RNF170: variants seen among roughly 807,000 people sequenced by gnomAD.
The protein encoded by RNF170 is E3 ubiquitin-protein ligase RNF170.
In RNF170, 12 loss-of-function variants were observed where a neutral mutation model predicts 32.7. The ratio of observed to expected loss-of-function variants is 0.37; its 90% CI spans 0.24 to 0.60. RNF170 has a LOEUF of 0.60. Ranked by LOEUF, RNF170 falls within the 20% of genes least tolerant of loss-of-function variation. RNF170 has a pLI of 0.72. For synonymous variants in RNF170, 91 were observed against 103.6 expected (o/e 0.88, Z 0.74); for missense variants, 212 against 311.2 (o/e 0.68, Z 2.40).
chr8:42,856,552 C>A, intron 6 of RNF170, 124 bp from the exon 7 acceptor site: 2 of 690,754 alleles, frequency 2.9e-6, no homozygotes, highest in Non-Finnish European at 4.8e-6. Flanking sequence ...ATTAATTGAA[C>A]ATATTTTCTA....
At chr8:42,864,027 C>A (rs112508358) in intron 5 of RNF170, among the ~76,000 whole-genome samples, 1 of 145,242 alleles carries the variant, frequency 6.9e-6, no homozygotes, top group East Asian at 2.0e-4. Flanking sequence ...ATTCCACCCA[C>A]GGGTAAGTGG....
In RNF170 at chr8:42,854,585, T is replaced by A. The variant is rs1019378457; in HGVS notation, c.*1574A>T. On this transcript the variant is annotated 3_prime_UTR_variant, in exon 7 of 7. Transcript: ENST00000527424. ...CCTAGGTCCAAATTAGAAAAACACA[T>A]ATTGATATTTCATTCAGAATCTCAT... 2.3e-6 allele frequency: 3 copies of A among 1,287,052 alleles called. No homozygotes were observed. In the African/African-American group the frequency reaches 4.6e-5, roughly 20 times the overall value. The allele number at this position is 1,287,052 out of a possible 1,614,324, so 79.7% of individuals were successfully genotyped here.
chr8:42,854,680 T>C lies in RNF170; in HGVS notation c.*1479A>G. On this transcript the variant is annotated 3_prime_UTR_variant, in exon 7 of 7. Coordinates refer to ENST00000527424, the MANE Select transcript of RNF170 (RefSeq NM_030954.4). Reference sequence around the variant, plus strand: ...TTCTCCTTATCTCCCAGTCTGCATATAGTGAAGCTCACTAATAAATTAATG... The same window carrying C: ...TTCTCCTTATCTCCCAGTCTGCATACAGTGAAGCTCACTAATAAATTAATG... 1 of 1,287,302 alleles carries C rather than the reference T, an allele frequency of 7.8e-7. No individual in the cohort carries two copies. The highest frequency in any genetic ancestry group is 1.0e-6 in the Non-Finnish European group (1 of 988,682). 79.7% of individuals were successfully genotyped at this position (1,287,302 alleles called of 1,614,324 possible). A position where few individuals can be genotyped will look rare whatever the true frequency, so the allele number is the denominator to read the frequency against.
At chr8:42,871,456 C>T (rs1320494208) in intron 3 of RNF170, among the ~76,000 whole-genome samples, 1 of 151,938 alleles carries the variant, frequency 6.6e-6, no homozygotes, top group East Asian at 1.9e-4. Context: ...TTCATACTTC[C>T]AAAACAGTCC....
At chr8:42,853,230 T>C (rs1802992887), downstream of RNF170, 2 of 649,946 alleles carry the variant, frequency 3.1e-6, no homozygotes, top group South Asian at 2.2e-5. Flanking sequence ...GCAACCATTA[T>C]ACTGAATGCT....
chr8:42,890,492 T>C (rs1806212152), intron 1 of RNF170, among the ~76,000 whole-genome samples: 1 of 151,980 alleles, frequency 6.6e-6, no homozygotes, highest in Admixed American at 6.6e-5. Flanking sequence ...TTAGCCAGGA[T>C]GGTCTTGATC....
downstream of RNF170, among the ~76,000 whole-genome samples, chr8:42,851,185 C>T (rs1208868393): frequency 2.6e-5 from 4 of 152,048 alleles, no homozygotes; most frequent in East Asian, 1.9e-4. Flanking sequence ...CCTTGGACTG[C>T]GGTGGTGGCA....
intron 4 of RNF170, among the ~76,000 whole-genome samples, chr8:42,868,303 A>T (rs971930972): frequency 6.6e-6 from 1 of 152,198 alleles, no homozygotes; most frequent in Non-Finnish European, 1.5e-5. Flanking sequence ...TATACTATGA[A>T]GTTAGACAAA....
rs759582622 is a variant in RNF170, at chr8:42,861,887, C to A, written c.397-32G>T. 5.1e-6 allele frequency: 8 copies of A among 1,563,528 alleles called. No homozygotes were observed. In the South Asian group the frequency reaches 8.2e-5, roughly 16 times the overall value. On this transcript the variant is annotated intron_variant, in intron 5 of 6. Transcript: ENST00000527424. ...ATTACAGAAAAAAAAATTATTTCAA[C>A]TTTCTGCATCATTATGTTTTTTTCA...
intron 1 of RNF170, among the ~76,000 whole-genome samples, chr8:42,888,620 G>A (rs757968933): frequency 3.3e-5 from 5 of 151,622 alleles, no homozygotes; most frequent in African/African-American, 4.8e-5. Flanking sequence ...AAATTTAGCC[G>A]GGTGACGTGT....
rs759517049 is a variant in RNF170 at position 42,896,478 on chromosome 8, A to G, written c.-8+6T>C. On this transcript the variant is annotated splice_donor_region_variant and intron_variant, in intron 1 of 6. Coordinates refer to ENST00000527424, the MANE Select transcript of RNF170 (RefSeq NM_030954.4). The stretch of plus-strand genomic sequence containing the variant: ...GGTGGGCGTGGCCGCCGCGCGCCGG[A>G]CGTACCTCTCCACCGCGAAGGAACT... The G allele has an allele frequency of 6.6e-6, 3 of 453,696 alleles. No individual in the cohort carries two copies. The highest frequency in any genetic ancestry group is 4.7e-5 in the Admixed American group (2 of 42,544). 28.1% of individuals were successfully genotyped at this position (453,696 alleles called of 1,614,324 possible).
intron 2 of RNF170, among the ~76,000 whole-genome samples, chr8:42,875,478 A>G (rs1343751797): frequency 6.6e-6 from 1 of 152,218 alleles, no homozygotes; most frequent in African/African-American, 2.4e-5. Context: ...TAGAAAAAGA[A>G]GTCACCTAAA....
At chr8:42,883,025 T>C (rs1230668183) in intron 2 of RNF170, among the ~76,000 whole-genome samples, 1 of 151,596 alleles carries the variant, frequency 6.6e-6, no homozygotes, top group Non-Finnish European at 1.5e-5. Context: ...ATGGTGCCAC[T>C]GCACTCCAGC....
At chr8:42,850,796 C>T (rs1802920419), downstream of RNF170, 13 of 1,551,482 alleles carry the variant, frequency 8.4e-6, no homozygotes, top group East Asian at 2.9e-4. Flanking sequence ...AACATTTAAC[C>T]TGAGAACCAA....
intron 2 of RNF170, among the ~76,000 whole-genome samples, chr8:42,875,691 C>T (rs938334891): frequency 6.6e-6 from 1 of 152,156 alleles, no homozygotes; most frequent in Non-Finnish European, 1.5e-5. Context: ...ATCCTCTTGC[C>T]TCAGCCTCCT....
chr8:42,896,244 C>T (rs752464104), intron 1 of RNF170: 189 of 325,094 alleles, frequency 5.8e-4, no homozygotes, highest in African/African-American at 4.1e-3. Context: ...CTCGCCGCCG[C>T]CAAACCCACC....
Position 42,873,334 on chromosome 8 carries a change from T to G in RNF170, c.213+597A>C, listed in dbSNP as rs146289801. Reference sequence around the variant, plus strand: ...CGCTTATTGGAACTGAAGTTTGATCTATAGGAAAGGAATTTTTAATTTTGT... The same window carrying G: ...CGCTTATTGGAACTGAAGTTTGATCGATAGGAAAGGAATTTTTAATTTTGT... On this transcript the variant is annotated intron_variant, in intron 3 of 6. Coordinates refer to ENST00000527424, the MANE Select transcript of RNF170 (RefSeq NM_030954.4). Among the ~76,000 whole-genome samples, 219 of 152,162 alleles carry G rather than the reference T, an allele frequency of 1.4e-3. 12 individuals carry two copies. In the East Asian group the frequency reaches 0.038, roughly 27 times the overall value.
rs866974600 is a variant in RNF170 at position 42,855,213 on chromosome 8, G to C, written c.*946C>G. ...GTGAACATCAAGTGTGCTGACTGGA[G>C]ATAAATGTTTTTCATCTTTTTTTTT... On this transcript the variant is annotated 3_prime_UTR_variant, in exon 7 of 7. Coordinates refer to ENST00000527424, the MANE Select transcript of RNF170 (RefSeq NM_030954.4). The C allele has an allele frequency of 1.3e-5, 15 of 1,194,992 alleles. No individual in the cohort carries two copies. In the Admixed American group the frequency reaches 2.8e-4, roughly 22 times the overall value. 74.0% of individuals were successfully genotyped at this position (1,194,992 alleles called of 1,614,324 possible). A position where few individuals can be genotyped will look rare whatever the true frequency, so the allele number is the denominator to read the frequency against.
chr8:42,871,628 G>A (rs1804530523), intron 3 of RNF170, among the ~76,000 whole-genome samples: 1 of 151,566 alleles, frequency 6.6e-6, no homozygotes, highest in African/African-American at 2.4e-5. Context: ...CTGGAGTGCA[G>A]TGGCACAATC....
Sources: allele counts gnomAD v4.1 joint callset (sites outside exome capture counted in the v4.1 genomes callset), GRCh38; gene constraint gnomAD v4.1.1; transcripts MANE v1.5; gene names NCBI Gene and HGNC (gene_info 2026-07-23, HGNC 2026-07-21).